Variants in TBC1D12 observed in about 807,000 individuals in gnomAD.
The protein encoded by TBC1D12 is TBC1 domain family member 12.
In TBC1D12, 56 loss-of-function variants were observed where a neutral mutation model predicts 86.7. That is an observed-to-expected ratio of 0.65 (90% confidence interval 0.52 to 0.81). TBC1D12 has a LOEUF of 0.81. TBC1D12 is among the 30% of genes least tolerant of loss of function. The pLI, the probability that TBC1D12 is intolerant of heterozygous loss-of-function variation, is 0.00. For synonymous variants in TBC1D12, 421 were observed against 411.7 expected (o/e 1.02, Z -0.27); for missense variants, 1,023 against 1,038.8 (o/e 0.98, Z 0.21).
At chr10:94,477,569 C>G (rs1345908955) in intron 3 of TBC1D12, among the ~76,000 whole-genome samples, 2 of 152,164 alleles carry the variant, frequency 1.3e-5, no homozygotes, top group East Asian at 1.9e-4. Context: ...ACTCTTCTAG[C>G]AGACTTGGGC....
At chr10:94,436,116 A>C (rs1255080459) in intron 1 of TBC1D12, among the ~76,000 whole-genome samples, 2 of 151,880 alleles carry the variant, frequency 1.3e-5, no homozygotes, top group Non-Finnish European at 2.9e-5. Context: ...TTTCTTCTTG[A>C]AAATATCTTA....
chr10:94,454,755 A>C (rs989582682), intron 2 of TBC1D12, among the ~76,000 whole-genome samples: 1 of 152,100 alleles, frequency 6.6e-6, no homozygotes, highest in Non-Finnish European at 1.5e-5. Flanking sequence ...ACTTGCTGTT[A>C]TTGCTTATTA....
Position 94,533,683 on chromosome 10 carries a change from G to C in TBC1D12, c.*587G>C, listed in dbSNP as rs1842485434. ...TGGGAGATTGTTTATTGTTTGTTTA[G>C]ATGTTTTTCCATAGTATGGTGTCCA... is the stretch of plus-strand genomic sequence containing the variant. On this transcript the variant is annotated 3_prime_UTR_variant, in exon 13 of 13. Coordinates refer to ENST00000225235, the MANE Select transcript of TBC1D12 (RefSeq NM_015188.2). The C allele has an allele frequency of 6.6e-6, 1 of 152,104 alleles. No individual in the cohort carries two copies. The highest frequency in any genetic ancestry group is 1.5e-5 in the Non-Finnish European group (1 of 68,004). 9.4% of individuals were successfully genotyped at this position (152,104 alleles called of 1,614,324 possible). A position where few individuals can be genotyped will look rare whatever the true frequency, so the allele number is the denominator to read the frequency against.
At chr10:94,528,268 T>A (rs1320306709) in intron 11 of TBC1D12, among the ~76,000 whole-genome samples, 1 of 152,202 alleles carries the variant, frequency 6.6e-6, no homozygotes, top group Non-Finnish European at 1.5e-5. Flanking sequence ...AGTGTTTTCC[T>A]TGTAGAGGTC....
At position 94,402,828 on chromosome 10, in the gene TBC1D12, G is replaced by A; in HGVS notation, c.215G>A (p.Arg72His). The A allele has an allele frequency of 1.9e-6, 3 of 1,540,310 alleles. No homozygotes were observed. The highest frequency in any genetic ancestry group is 2.6e-6 in the Non-Finnish European group (3 of 1,143,206). The part of the protein sequence containing the change: ...EETPPRQLLQ[R>H]YLAAAGEQLE... Reference sequence around the variant, plus strand: ...ACGCCGCCTCGGCAGCTCCTTCAGCGTTACCTCGCGGCGGCCGGGGAGCAG... The same window carrying A: ...ACGCCGCCTCGGCAGCTCCTTCAGCATTACCTCGCGGCGGCCGGGGAGCAG... Residue 72 changes from arginine (R) to histidine (H), a missense_variant, in exon 1 of 13, where the codon CGT becomes CAT. Physicochemically the swap from Arg to His is conservative, Grantham distance 29. This residue lies in a region of TBC1D12 where 628 missense variants were observed against 531.1 expected (regional missense o/e 1.18). Transcript: ENST00000225235.
intron 1 of TBC1D12, among the ~76,000 whole-genome samples, chr10:94,416,983 G>T (rs557951000): frequency 6.6e-6 from 1 of 152,164 alleles, no homozygotes; most frequent in African/African-American, 2.4e-5. Flanking sequence ...AGGCAAAAAG[G>T]TTGGGTCTAA....
intron 2 of TBC1D12, among the ~76,000 whole-genome samples, chr10:94,454,122 G>T (rs2055591265): frequency 6.6e-6 from 1 of 152,114 alleles, no homozygotes; most frequent in Admixed American, 6.6e-5. Flanking sequence ...TGTAACTTTA[G>T]ACTCAGTTTA....
Position 94,490,911 on chromosome 10 carries a change from A to G in TBC1D12, c.1212-2454A>G, listed in dbSNP as rs553313271. ...TCTCTGGCTGTAGTTAATCACACACATGCACAGATCAGTACTCAGCCAAAA... is the reference window on the plus strand; with the variant it reads ...TCTCTGGCTGTAGTTAATCACACACGTGCACAGATCAGTACTCAGCCAAAA... On this transcript the variant is annotated intron_variant, in intron 3 of 12. Coordinates refer to ENST00000225235, the MANE Select transcript of TBC1D12 (RefSeq NM_015188.2). Among the ~76,000 whole-genome samples the G allele has an allele frequency of 9.2e-5, 14 of 151,672 alleles. No homozygotes were observed. The South Asian group carries it at 2.3e-3, about 25-fold the overall frequency.
chr10:94,517,053 G>T (rs1249986637), intron 9 of TBC1D12, among the ~76,000 whole-genome samples: 1 of 151,732 alleles, frequency 6.6e-6, no homozygotes, highest in Non-Finnish European at 1.5e-5. Flanking sequence ...GCCTACACTA[G>T]ACTTTAAAAA....
At chr10:94,492,765 G>A (rs1310699382) in intron 3 of TBC1D12, among the ~76,000 whole-genome samples, 2 of 152,170 alleles carry the variant, frequency 1.3e-5, no homozygotes, top group African/African-American at 4.8e-5. Flanking sequence ...GTACCACAAG[G>A]AAACTTAGTG....
Position 94,402,563 on chromosome 10 carries a change from T to G in TBC1D12, c.-51T>G, listed in dbSNP as rs192014520. ...CCCAGAGCTGTTCTCTGGCCAAGCC[T>G]GCGCCTGTAGTCCTTCTTTGCCTCC... is the stretch of plus-strand genomic sequence containing the variant. On this transcript the variant is annotated 5_prime_UTR_variant, in exon 1 of 13. Transcript: ENST00000225235. 6.0e-4 allele frequency: 956 copies of G among 1,598,372 alleles called. 5 individuals carry two copies. In the African/African-American group the frequency reaches 0.011, roughly 19 times the overall value.
intron 1 of TBC1D12, among the ~76,000 whole-genome samples, chr10:94,411,055 C>A (rs963937948): frequency 6.6e-6 from 1 of 152,052 alleles, no homozygotes; most frequent in Non-Finnish European, 1.5e-5. Flanking sequence ...AAATGAGAGG[C>A]ATGCCAGAGA....
chr10:94,423,785 G>A (rs577320633), intron 1 of TBC1D12, among the ~76,000 whole-genome samples: 5 of 151,974 alleles, frequency 3.3e-5, no homozygotes, highest in Admixed American at 1.3e-4. Flanking sequence ...CTGAGGGCCC[G>A]GATCATAAAC....
intron 1 of TBC1D12, among the ~76,000 whole-genome samples, chr10:94,427,715 C>A (rs2055165263): frequency 1.3e-5 from 2 of 151,260 alleles, no homozygotes; most frequent in African/African-American, 4.9e-5. Flanking sequence ...GCCTGTAATT[C>A]CAGCTACTTA....
chr10:94,530,538 T>G (rs566704589), intron 11 of TBC1D12, among the ~76,000 whole-genome samples: 1 of 152,368 alleles, frequency 6.6e-6, no homozygotes, highest in Non-Finnish European at 1.5e-5. Context: ...CAAACGCTGA[T>G]GTAAACACTT....
chr10:94,480,928 C>T lies in TBC1D12; in HGVS notation c.1211+6145C>T, dbSNP rs1292101278. ...AAATTACTTCTTGATCCACAGGTTG[C>T]AGAATGAATGTTGTGATGGCAGGCA... On this transcript the variant is annotated intron_variant, in intron 3 of 12. Transcript: ENST00000225235. Among the ~76,000 whole-genome samples, 11 of 151,566 alleles carry T rather than the reference C, an allele frequency of 7.3e-5. No individual in the cohort carries two copies. In the East Asian group the frequency reaches 2.1e-3, roughly 29 times the overall value.
chr10:94,418,580 T>TATA (rs1554933482), intron 1 of TBC1D12, among the ~76,000 whole-genome samples: 90 of 149,058 alleles, frequency 6.0e-4, no homozygotes, highest in East Asian at 1.2e-3. Flanking sequence ...TTATTATTAT[T>TATA]ATATTATTTT....
intron 1 of TBC1D12, among the ~76,000 whole-genome samples, chr10:94,412,480 C>T (rs1292590103): frequency 2.0e-5 from 3 of 152,098 alleles, no homozygotes; most frequent in Admixed American, 6.5e-5. Flanking sequence ...TGACATTTCC[C>T]GAAGTCTTGA....
At chr10:94,429,923 A>T (rs541520411) in intron 1 of TBC1D12, among the ~76,000 whole-genome samples, 1 of 151,994 alleles carries the variant, frequency 6.6e-6, no homozygotes, top group Non-Finnish European at 1.5e-5. Flanking sequence ...GTTTGTAGAG[A>T]TGGGGTTTTG....
Sources: gnomAD v4.1 joint callset for allele counts (sites outside exome capture counted in the v4.1 genomes callset) on GRCh38, gnomAD v4.1.1 for gene constraint, gnomAD v4.1.1 regional missense constraint, MANE v1.5 for transcripts, NCBI Gene and HGNC (gene_info 2026-07-23, HGNC 2026-07-21) for gene names.